HCN4: variants seen among roughly 807,000 people sequenced by gnomAD.
HCN4 encodes hyperpolarization activated cyclic nucleotide gated potassium channel 4, also known as potassium/sodium hyperpolarization-activated cyclic nucleotide-gated channel 4.
A neutral mutation model predicts 76.9 loss-of-function variants in HCN4; 29 were observed. That is an observed-to-expected ratio of 0.38 (90% CI 0.28 to 0.51). The LOEUF is 0.51. HCN4 is among the 20% of genes least tolerant of loss of function. The probability of loss-of-function intolerance (pLI) is 0.90; values close to 1 mark genes in which losing one functional copy is unlikely to be tolerated. For synonymous variants in HCN4, 772 were observed against 762.5 expected (o/e 1.01, Z -0.21); for missense variants, 1,416 against 1,715.2 (o/e 0.83, Z 3.08).
In HCN4 at chr15:73,328,664, TCAAA is replaced by T. The variant is rs545890080; in HGVS notation, c.1590+905_1590+908del. Among the ~76,000 whole-genome samples the T allele has an allele frequency of 4.2e-3, 632 of 151,986 alleles. 2 individuals are homozygous for T. Among genetic ancestry groups the T allele is most frequent in the African/African-American group, 0.015 (608 of 41,472 alleles). On this transcript the variant is annotated intron_variant, in intron 4 of 7. Transcript: ENST00000261917. The surrounding 1 kb of genome is among the most constrained non-coding windows in gnomAD (Gnocchi z 4.0). ...ACGCTGTGGAGGCACAGGCCCACGC[TCAAA>T]CAGAGCTCGGCAGCAGAGAAGCTGG...
intron 2 of HCN4, among the ~76,000 whole-genome samples, chr15:73,333,541 T>G (rs2042945512): frequency 6.6e-6 from 1 of 152,186 alleles, no homozygotes; most frequent in South Asian, 2.1e-4. Flanking sequence ...CTGATACTAG[T>G]GACCGAAGAT....
At chr15:73,353,015 T>C (rs71397283) in intron 1 of HCN4, among the ~76,000 whole-genome samples, 3,366 of 151,544 alleles carry the variant, frequency 0.022, 44 homozygotes, top group Non-Finnish European at 0.039. Flanking sequence ...GATGGATGGA[T>C]GGATGGATGG....
chr15:73,350,019 A>G (rs62015512), intron 1 of HCN4, among the ~76,000 whole-genome samples: 1 of 152,152 alleles, frequency 6.6e-6, no homozygotes, highest in South Asian at 2.1e-4. Context: ...TCCATTCCAA[A>G]GCACACACTT....
At chr15:73,327,724 G>A (rs530037186) in intron 4 of HCN4, among the ~76,000 whole-genome samples, 1 of 152,214 alleles carries the variant, frequency 6.6e-6, no homozygotes, top group Admixed American at 6.5e-5. Context: ...GTTCTAGCCA[G>A]GCTAATTTCT....
rs1236917170 is a variant in HCN4 at position 73,367,580 on chromosome 15, G to A, written c.691C>T (p.Leu231=). The A allele has an allele frequency of 6.8e-6, 11 of 1,613,832 alleles. No individual in the cohort carries two copies. Among genetic ancestry groups the A allele is most frequent in the Admixed American group, 1.7e-5 (1 of 60,006 alleles). The change falls in exon 1 of 8, where the codon CTA becomes TTA. Residue 231 remains leucine (L), a synonymous_variant. Transcript: ENST00000261917. The surrounding 1 kb of genome is among the most constrained non-coding windows in gnomAD (Gnocchi z 7.5). ...GCTTTCTGGCTGCCGAACATCCTTAGGGAGAATTTGTTGACCCCGGGTTGG... is the reference window on the plus strand; with the variant it reads ...GCTTTCTGGCTGCCGAACATCCTTAAGGAGAATTTGTTGACCCCGGGTTGG... ...MLQPGVNKFS[L]RMFGSQKAVE...
At chr15:73,354,164 CTA>C (rs2043067541) in intron 1 of HCN4, among the ~76,000 whole-genome samples, 1 of 152,172 alleles carries the variant, frequency 6.6e-6, no homozygotes, top group African/African-American at 2.4e-5. Context: ...TCCAATTTTT[CTA>C]TGTTTATCAA....
In HCN4 at chr15:73,329,808, G is replaced by A. The variant is rs1164604899; in HGVS notation, c.1372-17C>T. 2 of 1,603,088 alleles carry A rather than the reference G, an allele frequency of 1.2e-6. No individual in the cohort carries two copies. The highest frequency in any genetic ancestry group is 1.7e-6 in the Non-Finnish European group (2 of 1,171,576). ...GGAGTTGTTCTGTGGACAGACGGATGGGTGGGGACAGTGGATGAGAGGGAA... is the reference window on the plus strand; with the variant it reads ...GGAGTTGTTCTGTGGACAGACGGATAGGTGGGGACAGTGGATGAGAGGGAA... On this transcript the variant is annotated splice_polypyrimidine_tract_variant and intron_variant, in intron 3 of 7. Transcript: ENST00000261917.
At chr15:73,358,686 G>A (rs562548386) in intron 1 of HCN4, among the ~76,000 whole-genome samples, 3 of 152,298 alleles carry the variant, frequency 2.0e-5, no homozygotes, top group African/African-American at 7.2e-5. Flanking sequence ...ACAGGTTAAA[G>A]GAGGCAGGTT....
At position 73,343,283 on chromosome 15, in the gene HCN4, A is replaced by T; in HGVS notation, c.1209+102T>A. On this transcript the variant is annotated intron_variant, in intron 2 of 7. Transcript: ENST00000261917. This position sits in a 1 kb window ranked among gnomAD's most constrained non-coding sequence, Gnocchi z 5.7. ...CTCTTGGAGCAGGTGTGCCTGCCAC[A>T]ATCTGACAGCCTATGTTCAATTATC... The T allele has an allele frequency of 8.5e-7, 1 of 1,179,746 alleles. No individual in the cohort carries two copies. The highest frequency in any genetic ancestry group is 1.2e-6 in the Non-Finnish European group (1 of 807,356). The allele number at this position is 1,179,746 out of a possible 1,614,324, so 73.1% of individuals were successfully genotyped here.
chr15:73,329,351 G>C (rs1174513460), intron 4 of HCN4, among the ~76,000 whole-genome samples: 1 of 152,220 alleles, frequency 6.6e-6, no homozygotes, highest in Non-Finnish European at 1.5e-5. Context: ...GACGGGGAAG[G>C]TGGGAACAGA....
intron 1 of HCN4, among the ~76,000 whole-genome samples, chr15:73,349,948 A>G (rs2043046619): frequency 6.6e-6 from 1 of 152,172 alleles, no homozygotes; most frequent in South Asian, 2.1e-4. Context: ...TCATTGACCC[A>G]GACAACACCT....
intron 1 of HCN4, among the ~76,000 whole-genome samples, chr15:73,357,973 T>TG (rs1300728148): frequency 6.6e-6 from 1 of 152,154 alleles, no homozygotes; most frequent in Non-Finnish European, 1.5e-5. Context: ...TTTGTGCTAA[T>TG]GGGGTCAGGA....
intron 1 of HCN4, among the ~76,000 whole-genome samples, chr15:73,353,319 G>T (rs2043063370): frequency 6.6e-6 from 1 of 152,146 alleles, no homozygotes. Flanking sequence ...GGAAAGACAC[G>T]ATCCTGGTCC....
Position 73,320,095 on chromosome 15 carries a change from C to G in HCN4, c.*2386G>C, listed in dbSNP as rs1159005808. On this transcript the variant is annotated 3_prime_UTR_variant, in exon 8 of 8. Transcript: ENST00000261917. Reference sequence around the variant, plus strand: ...GCCAGGCTCTGATGGCAAGGGGGCTCCTCATGGCCCTGGACCCTCCACCTT... The same window carrying G: ...GCCAGGCTCTGATGGCAAGGGGGCTGCTCATGGCCCTGGACCCTCCACCTT... 6.6e-6 allele frequency: 1 copy of G among 152,242 alleles called. No individual in the cohort carries two copies. The highest frequency in any genetic ancestry group is 1.5e-5 in the Non-Finnish European group (1 of 68,156). The allele number at this position is 152,242 out of a possible 1,614,324, so 9.4% of individuals were successfully genotyped here. A position where few individuals can be genotyped will look rare whatever the true frequency, so the allele number is the denominator to read the frequency against.
At position 73,322,587 on chromosome 15, in the gene HCN4, C is replaced by G. The variant is rs1393815632; in HGVS notation, c.3506G>C (p.Gly1169Ala). 1 of 1,610,614 alleles carries G rather than the reference C, an allele frequency of 6.2e-7. No homozygotes were observed. The highest frequency in any genetic ancestry group is 2.2e-5 in the East Asian group (1 of 44,732). ...GSLPPPLSLFGARATSSGGPP... is the reference protein window; with the variant it reads ...GSLPPPLSLFAARATSSGGPP... ...CCCCCCAGAAGAGGTGGCTCTTGCC[C>G]CAAACAAAGACAGAGGGGGTGGCAA... The change falls in exon 8 of 8, where the codon GGG (glycine) becomes GCG (alanine). Residue 1169 changes from glycine to alanine, a missense_variant. By Grantham distance (60) the Gly-to-Ala change is moderately conservative. Around this residue, in one of 6 missense-constraint regions of HCN4, gnomAD observed 633 missense variants for 579.8 expected, o/e 1.09. Coordinates refer to ENST00000261917, the MANE Select transcript of HCN4 (RefSeq NM_005477.3).
intron 1 of HCN4, among the ~76,000 whole-genome samples, chr15:73,347,067 A>G (rs2043032991): frequency 6.6e-6 from 1 of 152,222 alleles, no homozygotes; most frequent in Non-Finnish European, 1.5e-5. Context: ...AATATCTCTG[A>G]GCATTTTTAC....
At chr15:73,332,100 C>T in intron 3 of HCN4, 31 bp downstream of exon 3, 1 of 1,611,330 alleles carries the variant, frequency 6.2e-7, no homozygotes. Context: ...CGCCTATGGC[C>T]CAGAGAGAGG....
intron 2 of HCN4, among the ~76,000 whole-genome samples, chr15:73,335,960 G>A (rs1055636607): frequency 6.6e-6 from 1 of 152,176 alleles, no homozygotes; most frequent in Non-Finnish European, 1.5e-5. Flanking sequence ...CCTCCCTATG[G>A]GGGTCAGGGA....
intron 2 of HCN4, among the ~76,000 whole-genome samples, chr15:73,337,746 G>A (rs924601152): frequency 2.6e-5 from 4 of 152,148 alleles, no homozygotes; most frequent in African/African-American, 9.7e-5. Context: ...CAGGGCTCCT[G>A]CTAGTGTAGA....
Sources: gnomAD v4.1 joint callset for allele counts (sites outside exome capture counted in the v4.1 genomes callset) on GRCh38, gnomAD v4.1.1 for gene constraint, gnomAD v4.1.1 regional missense constraint, Gnocchi (gnomAD v3.1) non-coding constraint, MANE v1.5 for transcripts, NCBI Gene and HGNC (gene_info 2026-07-23, HGNC 2026-07-21) for gene names.